AMD1: variants seen among roughly 807,000 people sequenced by gnomAD.
AMD1 encodes the protein S-adenosylmethionine decarboxylase proenzyme.
A neutral mutation model predicts 40.2 loss-of-function variants in AMD1; 11 were observed. That is an observed-to-expected ratio of 0.27 (90% CI 0.17 to 0.45). The LOEUF (loss-of-function observed/expected upper bound fraction) is 0.45, where lower values mean the gene tolerates loss of function less well. Among genes scored for constraint, AMD1 ranks in the 20% least tolerant of loss-of-function variants. The probability of loss-of-function intolerance (pLI) is 1.00; values close to 1 mark genes in which losing one functional copy is unlikely to be tolerated. For synonymous variants in AMD1, 121 were observed against 130.8 expected (o/e 0.93, Z 0.51); for missense variants, 257 against 410.2 (o/e 0.63, Z 3.23).
the AMD1 span, among the ~76,000 whole-genome samples, chr6:110,821,520 G>A: frequency 7.9e-5 from 12 of 151,756 alleles, no homozygotes; most frequent in Admixed American, 7.2e-4. Context: ...AGGCTGAGGC[G>A]GGAGAATCAC....
chr6:110,854,511 C>T, the AMD1 span, among the ~76,000 whole-genome samples: 3 of 151,722 alleles, frequency 2.0e-5, no homozygotes, highest in Admixed American at 6.6e-5. Flanking sequence ...TGCAGTGGTA[C>T]GATCTTGGCT....
At chr6:110,828,958 T>G in the AMD1 span, among the ~76,000 whole-genome samples, 1 of 151,936 alleles carries the variant, frequency 6.6e-6, no homozygotes, top group Admixed American at 6.6e-5. Flanking sequence ...GATAACAAAG[T>G]CAGGAGTTCA....
the AMD1 span, among the ~76,000 whole-genome samples, chr6:110,866,015 G>A: frequency 4.6e-4 from 68 of 148,928 alleles, no homozygotes; most frequent in Admixed American, 1.7e-3. Flanking sequence ...TGCCCGCCTC[G>A]GCCTCCCAAA....
intron 2 of AMD1, among the ~76,000 whole-genome samples, chr6:110,888,100 CTT>C (rs1157947857): frequency 6.6e-6 from 1 of 152,128 alleles, no homozygotes; most frequent in African/African-American, 2.4e-5. Context: ...TGTTTGCCGT[CTT>C]TTCCTCCCAA....
the AMD1 span, among the ~76,000 whole-genome samples, chr6:110,854,299 T>TA: frequency 6.6e-6 from 1 of 152,154 alleles, no homozygotes; most frequent in African/African-American, 2.4e-5. Context: ...ACACTTCAGG[T>TA]TACAGCCCTG....
At chr6:110,889,477 CTT>C (rs1180839981) in intron 3 of AMD1, 1 of 152,380 alleles carries the variant, frequency 6.6e-6, no homozygotes, top group African/African-American at 2.4e-5. Flanking sequence ...GAGTTTCGCT[CTT>C]GTTTCCCAGG....
intron 1 of AMD1, among the ~76,000 whole-genome samples, 168 bp downstream of exon 1, chr6:110,875,383 C>G (rs975142480): frequency 1.3e-4 from 20 of 152,134 alleles, no homozygotes; most frequent in African/African-American, 4.6e-4. Flanking sequence ...GGGAGAGCGG[C>G]CATGTCCACG....
intron 1 of AMD1, among the ~76,000 whole-genome samples, chr6:110,886,177 C>G (rs1231918930): frequency 6.8e-6 from 1 of 148,066 alleles, no homozygotes; most frequent in Non-Finnish European, 1.5e-5. Context: ...GAGCAGAGAT[C>G]ATGCCACTGG....
the AMD1 span, among the ~76,000 whole-genome samples, chr6:110,853,865 T>C: frequency 6.6e-6 from 1 of 152,238 alleles, no homozygotes; most frequent in African/African-American, 2.4e-5. Flanking sequence ...TTCCATTATA[T>C]TGTGGAATGG....
the AMD1 span, among the ~76,000 whole-genome samples, chr6:110,819,277 A>G: frequency 6.6e-6 from 1 of 152,178 alleles, no homozygotes; most frequent in African/African-American, 2.4e-5. Flanking sequence ...GAATCACTTG[A>G]ACCTGGGAGG....
the AMD1 span, among the ~76,000 whole-genome samples, chr6:110,822,692 A>T: frequency 6.6e-6 from 1 of 152,234 alleles, no homozygotes; most frequent in Admixed American, 6.5e-5. Flanking sequence ...AACAACATAT[A>T]GCAAACTAAA....
At position 110,893,466 on chromosome 6, in the gene AMD1, T is replaced by C; in HGVS notation, c.865-10T>C. The C allele has an allele frequency of 3.1e-6, 5 of 1,612,938 alleles. No homozygotes were observed. Among genetic ancestry groups the C allele is most frequent in the Non-Finnish European group, 4.2e-6 (5 of 1,179,598 alleles). ...GCAAACACTAACGGTTATTTAATTTTTTCCCCCAGAGTTCTAAATGTCGCA... is the reference window on the plus strand; with the variant it reads ...GCAAACACTAACGGTTATTTAATTTCTTCCCCCAGAGTTCTAAATGTCGCA... On this transcript the variant is annotated splice_polypyrimidine_tract_variant and intron_variant, in intron 8 of 8. Transcript: ENST00000368885.
At chr6:110,814,648 C>T in the AMD1 span, 3 of 493,014 alleles carry the variant, frequency 6.1e-6, no homozygotes, top group Admixed American at 2.3e-5. Flanking sequence ...GGCAACTCCG[C>T]AGCGGAGCTC....
chr6:110,828,534 G>T, the AMD1 span, among the ~76,000 whole-genome samples: 15 of 152,182 alleles, frequency 9.9e-5, no homozygotes, highest in Admixed American at 9.8e-4. Flanking sequence ...CTAAAGGAAA[G>T]GTGGGTGTGC....
At chr6:110,863,111 A>G in the AMD1 span, among the ~76,000 whole-genome samples, 4 of 151,054 alleles carry the variant, frequency 2.6e-5, no homozygotes, top group African/African-American at 9.7e-5. Flanking sequence ...CGCCCGGCTA[A>G]TTTTTTTGTA....
the AMD1 span, among the ~76,000 whole-genome samples, chr6:110,860,870 C>CACAG: frequency 2.1e-4 from 30 of 142,678 alleles, no homozygotes; most frequent in South Asian, 6.7e-4. Context: ...CACACACACA[C>CACAG]AGAGAGAGAG....
the AMD1 span, among the ~76,000 whole-genome samples, chr6:110,847,063 GGTGTGT>G: frequency 1.4e-3 from 198 of 143,282 alleles, 1 homozygote; most frequent in African/African-American, 4.7e-3. Flanking sequence ...GTGTGTGTGT[GGTGTGT>G]GTGTGTGTGT....
At chr6:110,881,504 C>T (rs1785407757) in intron 1 of AMD1, among the ~76,000 whole-genome samples, 1 of 152,148 alleles carries the variant, frequency 6.6e-6, no homozygotes, top group African/African-American at 2.4e-5. Flanking sequence ...TGTTTTATAA[C>T]CACCTAAGAA....
At chr6:110,871,848 G>C (rs569928948), upstream of AMD1, among the ~76,000 whole-genome samples, 24 of 152,300 alleles carry the variant, frequency 1.6e-4, no homozygotes. Context: ...TTAATACTAT[G>C]GGCAGGTCAT....
Sources: allele counts gnomAD v4.1 joint callset (sites outside exome capture counted in the v4.1 genomes callset), GRCh38; gene constraint gnomAD v4.1.1; transcripts MANE v1.5; gene names NCBI Gene and HGNC (gene_info 2026-07-23, HGNC 2026-07-21).